The following LRGUK variants were observed in gnomAD, a reference collection of about 807,000 sequenced individuals.
LRGUK encodes the protein leucine-rich repeat and guanylate kinase domain-containing protein.
LRGUK carries 65 observed loss-of-function variants against 76.0 expected under a neutral mutation model. That is an observed-to-expected ratio of 0.85 (90% CI 0.70 to 1.05). LRGUK has a LOEUF of 1.05. Among genes scored for constraint, LRGUK ranks in the 50% least tolerant of loss-of-function variants. LRGUK has a pLI of 0.00. For missense variants in LRGUK, 758 were observed against 732.8 expected (o/e 1.03, Z -0.40); for synonymous variants, 268 against 265.6 (o/e 1.01, Z -0.09).
Position 134,258,523 on chromosome 7 carries a change from C to A in LRGUK, c.2347+118C>A, listed in dbSNP as rs571996298. On this transcript the variant is annotated intron_variant, in intron 19 of 19. Transcript: ENST00000285928. ...GACCAGCCTGGCCAAAATTGTGAAA[C>A]CCCATCTCTACTAAAAATACAAAAA... 340 of 904,580 alleles carry A rather than the reference C, an allele frequency of 3.8e-4. 1 individual carries two copies. In the African/African-American group the frequency reaches 5.2e-3, roughly 14 times the overall value. 56.0% of individuals were successfully genotyped at this position (904,580 alleles called of 1,614,324 possible).
At chr7:134,236,382 C>A (rs899378600) in intron 16 of LRGUK, among the ~76,000 whole-genome samples, 1 of 152,086 alleles carries the variant, frequency 6.6e-6, no homozygotes, top group Non-Finnish European at 1.5e-5. Context: ...TATATATTTA[C>A]AGTATCTTTT....
chr7:134,233,474 C>A (rs1004210800), intron 16 of LRGUK, among the ~76,000 whole-genome samples: 1 of 152,134 alleles, frequency 6.6e-6, no homozygotes, highest in East Asian at 1.9e-4. Context: ...CAGACAAGGC[C>A]AGTACAATCC....
intron 15 of LRGUK, among the ~76,000 whole-genome samples, chr7:134,220,171 T>C (rs940028529): frequency 7.2e-5 from 11 of 152,176 alleles, no homozygotes; most frequent in African/African-American, 2.7e-4. Flanking sequence ...AGTTGTCTCA[T>C]TTTGTCACTT....
intron 12 of LRGUK, among the ~76,000 whole-genome samples, chr7:134,195,013 T>C (rs1585532700): frequency 1.3e-5 from 2 of 151,988 alleles, no homozygotes; most frequent in South Asian, 4.2e-4. Flanking sequence ...ACTTAGTGGG[T>C]GGGGGGAAGC....
intron 15 of LRGUK, among the ~76,000 whole-genome samples, chr7:134,204,658 A>G (rs911136064): frequency 3.9e-5 from 6 of 152,248 alleles, no homozygotes; most frequent in Admixed American, 2.6e-4. Context: ...GGGTTTAAGA[A>G]TAAACTTGCA....
chr7:134,136,527 T>C (rs1342834362), intron 1 of LRGUK, among the ~76,000 whole-genome samples: 2 of 152,206 alleles, frequency 1.3e-5, no homozygotes. Context: ...GCCCTGGGAC[T>C]GGACAGATTG....
intron 7 of LRGUK, among the ~76,000 whole-genome samples, chr7:134,164,481 T>A (rs1340621526): frequency 6.6e-6 from 1 of 152,238 alleles, no homozygotes; most frequent in Admixed American, 6.5e-5. Flanking sequence ...ATAAAGCATT[T>A]GTGTTCCTAA....
intron 18 of LRGUK, 29 bp downstream of exon 18, chr7:134,249,105 T>C (rs1802383568): frequency 6.5e-7 from 1 of 1,535,878 alleles, no homozygotes. Flanking sequence ...TTGGATGGAA[T>C]TGGCTATTTT....
intron 15 of LRGUK, among the ~76,000 whole-genome samples, chr7:134,202,892 A>G (rs1800837389): frequency 6.6e-6 from 1 of 152,204 alleles, no homozygotes; most frequent in South Asian, 2.1e-4. Flanking sequence ...ACTTCATGCC[A>G]CTGAACTGTG....
At position 134,244,443 on chromosome 7, in the gene LRGUK, A is replaced by C. The variant is rs1002800742; in HGVS notation, c.1984-3113A>C. Among the ~76,000 whole-genome samples, 20 of 152,264 alleles carry C rather than the reference A, an allele frequency of 1.3e-4. 1 individual carries two copies. The highest frequency in any genetic ancestry group is 1.5e-5 in the Non-Finnish European group (1 of 68,042). On this transcript the variant is annotated intron_variant, in intron 16 of 19. Transcript: ENST00000285928. ...GAAGACATTTATGCAGTCAACAGAC[A>C]CATGAAAACATGCTCATCATTACTG...
chr7:134,254,645 T>C (rs76046144), intron 18 of LRGUK, among the ~76,000 whole-genome samples: 3,940 of 152,256 alleles, frequency 0.026, 118 homozygotes, highest in African/African-American at 0.067. Context: ...TGTCATTACC[T>C]TGGGGATGAG....
chr7:134,140,866 TG>T (rs1797737205), intron 3 of LRGUK, among the ~76,000 whole-genome samples: 2 of 152,206 alleles, frequency 1.3e-5, no homozygotes, highest in Admixed American at 1.3e-4. Flanking sequence ...AATGAATATT[TG>T]GGTTCAACAG....
chr7:134,214,718 T>A (rs1048008685), downstream of LRGUK, among the ~76,000 whole-genome samples: 2 of 152,062 alleles, frequency 1.3e-5, no homozygotes, highest in African/African-American at 4.8e-5. Context: ...TAGTATTTTT[T>A]AAATTTTCTA....
intron 16 of LRGUK, among the ~76,000 whole-genome samples, chr7:134,228,192 G>A (rs1246823615): frequency 6.6e-6 from 1 of 152,126 alleles, no homozygotes; most frequent in Non-Finnish European, 1.5e-5. Context: ...AAAGCCAGAA[G>A]ACAAAGAATA....
intron 18 of LRGUK, among the ~76,000 whole-genome samples, chr7:134,253,103 G>C (rs1802487366): frequency 6.6e-6 from 1 of 152,180 alleles, no homozygotes; most frequent in Non-Finnish European, 1.5e-5. Context: ...TCCTAGAAAT[G>C]TACTTCTTTG....
chr7:134,199,381 T>C, exon 14 of LRGUK: 1 of 1,613,756 alleles, frequency 6.2e-7, no homozygotes, highest in Non-Finnish European at 8.5e-7. Context: ...TTAAAATTAA[T>C]CAGAATTTTC....
chr7:134,199,892 G>A (rs1192490224), intron 14 of LRGUK, among the ~76,000 whole-genome samples: 1 of 146,830 alleles, frequency 6.8e-6, no homozygotes, highest in Non-Finnish European at 1.5e-5. Flanking sequence ...AATAGTTCAT[G>A]GGAGAATTTA....
At chr7:134,136,322 A>G (rs1471765692) in intron 1 of LRGUK, among the ~76,000 whole-genome samples, 1 of 152,146 alleles carries the variant, frequency 6.6e-6, no homozygotes, top group African/African-American at 2.4e-5. Context: ...AATGATCATC[A>G]CCTTTTTAAA....
At chr7:134,155,354 G>A (rs1175773676) in intron 5 of LRGUK, among the ~76,000 whole-genome samples, 3 of 152,164 alleles carry the variant, frequency 2.0e-5, no homozygotes, top group South Asian at 4.2e-4. Context: ...AACCAGAAAG[G>A]ATAGTATTAG....
Sources: gnomAD v4.1 joint callset for allele counts (sites outside exome capture counted in the v4.1 genomes callset) on GRCh38, gnomAD v4.1.1 for gene constraint, MANE v1.5 for transcripts, NCBI Gene and HGNC (gene_info 2026-07-23, HGNC 2026-07-21) for gene names.